TUSC3: variants seen among roughly 807,000 people sequenced by gnomAD.
The protein encoded by TUSC3 is dolichyl-diphosphooligosaccharide--protein glycosyltransferase subunit TUSC3.
In TUSC3, 45 loss-of-function variants were observed where a neutral mutation model predicts 44.8. That is an observed-to-expected ratio of 1.00 (90% confidence interval 0.79 to 1.29). The LOEUF (loss-of-function observed/expected upper bound fraction) is 1.29, where lower values mean the gene tolerates loss of function less well. TUSC3 is among the 50% of genes most tolerant of loss of function. The probability of loss-of-function intolerance (pLI) is 0.00; values close to 1 mark genes in which losing one functional copy is unlikely to be tolerated. For synonymous variants in TUSC3, 212 were observed against 152.9 expected (o/e 1.39, Z -2.85); for missense variants, 519 against 437.9 (o/e 1.19, Z -1.65).
chr8:15,778,469 A>G, the TUSC3 span, among the ~76,000 whole-genome samples: 2 of 152,118 alleles, frequency 1.3e-5, no homozygotes, highest in Non-Finnish European at 2.9e-5. Flanking sequence ...AAAACTATTA[A>G]TGATTTTTTT....
At chr8:15,679,859 T>A (rs982960841) in intron 6 of TUSC3, among the ~76,000 whole-genome samples, 27 of 152,210 alleles carry the variant, frequency 1.8e-4, no homozygotes, top group African/African-American at 6.5e-4. Flanking sequence ...TATTCCCCAT[T>A]GTTTGTGTAG....
At chr8:15,502,180 A>T (rs932684684) in intron 2 of TUSC3, among the ~76,000 whole-genome samples, 1 of 152,202 alleles carries the variant, frequency 6.6e-6, no homozygotes, top group Non-Finnish European at 1.5e-5. Context: ...ATTGCAAACT[A>T]TGATTTTTGT....
intron 1 of TUSC3, among the ~76,000 whole-genome samples, chr8:15,601,209 A>G (rs1804275622): frequency 6.6e-6 from 1 of 151,708 alleles, no homozygotes; most frequent in East Asian, 1.9e-4. Flanking sequence ...GACAGGCAGT[A>G]TTTGAATTTA....
the TUSC3 span, among the ~76,000 whole-genome samples, chr8:15,794,330 A>T: frequency 1.3e-5 from 2 of 152,090 alleles, no homozygotes; most frequent in African/African-American, 2.4e-5. Context: ...TTCACCCTAG[A>T]GGGGTGACTG....
chr8:15,434,662 C>T (rs948953247), intron 1 of TUSC3, among the ~76,000 whole-genome samples: 3 of 151,592 alleles, frequency 2.0e-5, no homozygotes, highest in Non-Finnish European at 4.4e-5. Flanking sequence ...GGTATATCTC[C>T]TAATGCTATC....
intron 1 of TUSC3, among the ~76,000 whole-genome samples, chr8:15,554,905 A>G (rs1802187667): frequency 6.6e-6 from 1 of 151,282 alleles, no homozygotes; most frequent in African/African-American, 2.4e-5. Flanking sequence ...GCACCCGGCC[A>G]ACATTTTATT....
chr8:15,677,514 T>C (rs1028229999), intron 6 of TUSC3, among the ~76,000 whole-genome samples: 1 of 152,218 alleles, frequency 6.6e-6, no homozygotes. Flanking sequence ...TCTGTCTTTT[T>C]TGGGGAAGTT....
At chr8:15,426,370 G>T (rs953167541) in intron 1 of TUSC3, among the ~76,000 whole-genome samples, 1 of 152,170 alleles carries the variant, frequency 6.6e-6, no homozygotes, top group Non-Finnish European at 1.5e-5. Context: ...TCTAGCATAA[G>T]TGAAACTTGA....
chr8:15,470,554 G>A (rs1379647199), intron 1 of TUSC3, among the ~76,000 whole-genome samples: 2 of 152,072 alleles, frequency 1.3e-5, no homozygotes, highest in Non-Finnish European at 2.9e-5. Flanking sequence ...CGGGACAGGA[G>A]GTATATGGGA....
intron 1 of TUSC3, among the ~76,000 whole-genome samples, chr8:15,550,951 G>A (rs1016237981): frequency 3.3e-5 from 5 of 151,732 alleles, no homozygotes; most frequent in African/African-American, 4.8e-5. Flanking sequence ...GATTACAGGG[G>A]TGAAATAAAA....
intron 1 of TUSC3, among the ~76,000 whole-genome samples, chr8:15,433,269 T>C (rs1799899749): frequency 6.6e-6 from 1 of 152,176 alleles, no homozygotes; most frequent in Non-Finnish European, 1.5e-5. Context: ...ATAGTTCACG[T>C]GTAGACTGGA....
chr8:15,681,635 G>A (rs1036011029), intron 6 of TUSC3, among the ~76,000 whole-genome samples: 1 of 149,044 alleles, frequency 6.7e-6, no homozygotes, highest in African/African-American at 2.5e-5. Context: ...TGGTTTCATT[G>A]ATTCTTTATA....
At chr8:15,449,124 G>A (rs1800159675) in intron 1 of TUSC3, among the ~76,000 whole-genome samples, 1 of 152,126 alleles carries the variant, frequency 6.6e-6, no homozygotes, top group Non-Finnish European at 1.5e-5. Context: ...CTGACAAGCT[G>A]GGAAGTGAAG....
At chr8:15,512,931 C>CATATATATATATATATATATATATAT (rs10696221) in intron 2 of TUSC3, among the ~76,000 whole-genome samples, 3 of 110,600 alleles carry the variant, frequency 2.7e-5, no homozygotes, top group African/African-American at 1.3e-4. Flanking sequence ...TATATATAAT[C>CATATATATATATATATATATATATAT]ATATATATAT....
rs1480436562 is a variant in TUSC3, at chr8:15,764,183, T to A, written c.*47-20T>A. The A allele has an allele frequency of 6.3e-7, 1 of 1,595,816 alleles. No individual in the cohort carries two copies. The highest frequency in any genetic ancestry group is 8.6e-7 in the Non-Finnish European group (1 of 1,165,074). On this transcript the variant is annotated intron_variant, in intron 10 of 10. Transcript: ENST00000503731. ...CTTATGTTCTATGTTCAGCACATAA[T>A]AATTTTCTTTCTTTTTCAGCTTTTT...
intron 1 of TUSC3, among the ~76,000 whole-genome samples, chr8:15,607,875 T>C (rs1044825631): frequency 2.0e-5 from 3 of 152,164 alleles, no homozygotes; most frequent in Non-Finnish European, 2.9e-5. Flanking sequence ...CTCTTCCCTG[T>C]CAGCAAATAT....
chr8:15,585,221 A>T (rs528423836), intron 1 of TUSC3, among the ~76,000 whole-genome samples: 1 of 152,234 alleles, frequency 6.6e-6, no homozygotes, highest in Non-Finnish European at 1.5e-5. Context: ...ATATAGGGGG[A>T]CAGAGTTCAC....
intron 6 of TUSC3, among the ~76,000 whole-genome samples, chr8:15,677,074 A>G (rs897486493): frequency 1.3e-5 from 2 of 152,056 alleles, no homozygotes; most frequent in South Asian, 2.1e-4. Context: ...ACCTTGGTGC[A>G]GTGGTACGAT....
chr8:15,738,835 T>TTTTCTTTC (rs1811055630), intron 7 of TUSC3, among the ~76,000 whole-genome samples: 1 of 126,484 alleles, frequency 7.9e-6, no homozygotes, highest in African/African-American at 2.9e-5. Flanking sequence ...TGCTTTTTTT[T>TTTTCTTTC]TTTTTTTTTT....
Sources: gnomAD v4.1 joint callset for allele counts (sites outside exome capture counted in the v4.1 genomes callset) on GRCh38, gnomAD v4.1.1 for gene constraint, MANE v1.5 for transcripts, NCBI Gene and HGNC (gene_info 2026-07-23, HGNC 2026-07-21) for gene names.